Variants in FBXL20 observed in about 807,000 individuals in gnomAD.
FBXL20 encodes the protein F-box/LRR-repeat protein 20.
FBXL20 carries 11 observed loss-of-function variants against 64.0 expected under a neutral mutation model. The observed-to-expected ratio is 0.17, with a 90% confidence interval of 0.11 to 0.28. The LOEUF (loss-of-function observed/expected upper bound fraction) is 0.28. Among genes scored for constraint, FBXL20 ranks in the 10% least tolerant of loss-of-function variants. FBXL20 has a pLI of 1.00. For synonymous variants in FBXL20, 184 were observed against 189.0 expected (o/e 0.97, Z 0.22); for missense variants, 303 against 526.2 (o/e 0.58, Z 4.15).
chr17:39,401,913 G>A, upstream of FBXL20: 1 of 410,524 alleles, frequency 2.4e-6, no homozygotes, highest in Non-Finnish European at 4.1e-6. Flanking sequence ...GTGTGGAAAA[G>A]GGGGTCTGTG....
intron 1 of FBXL20, among the ~76,000 whole-genome samples, chr17:39,357,955 T>C (rs1265088425): frequency 2.0e-5 from 3 of 152,170 alleles, no homozygotes; most frequent in Non-Finnish European, 4.4e-5. Flanking sequence ...GTTCAGGTTT[T>C]CCAGAGAAAC....
chr17:39,370,422 G>A lies in FBXL20; in HGVS notation c.43-27181C>T, dbSNP rs866740585. Among the ~76,000 whole-genome samples the A allele has an allele frequency of 3.3e-5, 5 of 151,662 alleles. No individual in the cohort carries two copies. The South Asian group carries it at 6.2e-4, about 19-fold the overall frequency. On this transcript the variant is annotated intron_variant, in intron 1 of 14. Transcript: ENST00000264658. ...GAAGCATCGCTTGAACCCGGGAGGCGGAGTTTGCAGTGAGCCAAGATCAAG... is the reference window on the plus strand; with the variant it reads ...GAAGCATCGCTTGAACCCGGGAGGCAGAGTTTGCAGTGAGCCAAGATCAAG...
intron 2 of FBXL20, among the ~76,000 whole-genome samples, chr17:39,317,567 C>T (rs2047305410): frequency 6.7e-6 from 1 of 149,982 alleles, no homozygotes; most frequent in Non-Finnish European, 1.5e-5. Context: ...TACTGAATTC[C>T]AAATAATATG....
At chr17:39,348,427 T>C (rs573581672) in intron 1 of FBXL20, among the ~76,000 whole-genome samples, 1 of 151,348 alleles carries the variant, frequency 6.6e-6, no homozygotes, top group Admixed American at 6.6e-5. Context: ...GCTACTGCAG[T>C]CCAGCCTGGC....
At chr17:39,315,393 T>TTTTATATA (rs147050998) in intron 2 of FBXL20, among the ~76,000 whole-genome samples, 63 of 134,554 alleles carry the variant, frequency 4.7e-4, no homozygotes, top group African/African-American at 1.6e-3. Flanking sequence ...TTTAAATAAT[T>TTTTATATA]TATATATATA....
chr17:39,341,443 T>C (rs1465929128), intron 2 of FBXL20, among the ~76,000 whole-genome samples: 2 of 152,194 alleles, frequency 1.3e-5, no homozygotes, highest in South Asian at 2.1e-4. Flanking sequence ...CAGTCACATA[T>C]CTTCTTTCAG....
At chr17:39,351,792 T>C (rs1392716046) in intron 1 of FBXL20, among the ~76,000 whole-genome samples, 7 of 152,182 alleles carry the variant, frequency 4.6e-5, no homozygotes, top group African/African-American at 9.6e-5. Context: ...CAAAGGACAA[T>C]ATCACCTAAA....
chr17:39,301,112 T>A, intron 3 of FBXL20, 37 bp from the exon 4 acceptor site: 1 of 1,582,900 alleles, frequency 6.3e-7, no homozygotes, highest in Non-Finnish European at 8.7e-7. Flanking sequence ...GAGCAGAAGC[T>A]AAAATTAAGG....
chr17:39,337,113 G>GT (rs747110628), intron 2 of FBXL20, among the ~76,000 whole-genome samples: 7 of 152,052 alleles, frequency 4.6e-5, no homozygotes, highest in Non-Finnish European at 1.0e-4. Context: ...AGCCTGCCGA[G>GT]TGCCTGGGAT....
At chr17:39,380,457 T>C (rs752773848) in intron 1 of FBXL20, among the ~76,000 whole-genome samples, 19 of 152,330 alleles carry the variant, frequency 1.2e-4, no homozygotes, top group Non-Finnish European at 2.4e-4. Context: ...ACTTTTGTTT[T>C]TGCACTTACT....
At chr17:39,375,685 A>G (rs1419956709) in intron 1 of FBXL20, among the ~76,000 whole-genome samples, 2 of 152,146 alleles carry the variant, frequency 1.3e-5, no homozygotes, top group Admixed American at 6.6e-5. Context: ...GAAAAATCAA[A>G]TTTTTTTACT....
intron 4 of FBXL20, among the ~76,000 whole-genome samples, chr17:39,300,242 T>G (rs1007067308): frequency 5.3e-5 from 8 of 152,204 alleles, no homozygotes; most frequent in Non-Finnish European, 1.2e-4. Context: ...TTTGGTTGGT[T>G]TTGAACTCCT....
intron 1 of FBXL20, among the ~76,000 whole-genome samples, chr17:39,385,513 T>C (rs2048069676): frequency 6.6e-6 from 1 of 152,236 alleles, no homozygotes; most frequent in Non-Finnish European, 1.5e-5. Context: ...GGCCTATTCC[T>C]ATAACTGTCT....
At chr17:39,385,794 G>C (rs183664292) in intron 1 of FBXL20, among the ~76,000 whole-genome samples, 2 of 152,260 alleles carry the variant, frequency 1.3e-5, no homozygotes, top group Admixed American at 1.3e-4. Flanking sequence ...CACTTTGGGA[G>C]GCCGAGGTGG....
chr17:39,382,894 C>T (rs1440558053), intron 1 of FBXL20, among the ~76,000 whole-genome samples: 3 of 151,810 alleles, frequency 2.0e-5, no homozygotes, highest in African/African-American at 7.3e-5. Flanking sequence ...CGGTGGCTCA[C>T]GCCTGTAGTC....
intron 1 of FBXL20, among the ~76,000 whole-genome samples, chr17:39,390,422 G>A (rs1277353249): frequency 6.6e-6 from 1 of 152,048 alleles, no homozygotes; most frequent in Non-Finnish European, 1.5e-5. Flanking sequence ...TTAGCCAGGC[G>A]TGGTGGTTGG....
chr17:39,264,709 A>T (rs187333253), intron 13 of FBXL20, among the ~76,000 whole-genome samples: 69 of 152,336 alleles, frequency 4.5e-4, no homozygotes, highest in African/African-American at 1.6e-3. Flanking sequence ...TACAGGGATA[A>T]ATGGGAATCA....
upstream of FBXL20, chr17:39,401,764 C>T (rs2048248555): frequency 3.8e-6 from 4 of 1,041,464 alleles, no homozygotes; most frequent in Middle Eastern, 4.2e-4. Context: ...GGCGGCGGCG[C>T]GAGACCACCC....
At chr17:39,270,676 C>G in intron 11 of FBXL20, 120 bp downstream of exon 11, 1 of 773,300 alleles carries the variant, frequency 1.3e-6, no homozygotes, top group Middle Eastern at 2.4e-4. Flanking sequence ...CATGAAACCC[C>G]GTCTCACTCA....
Sources: allele counts gnomAD v4.1 joint callset (sites outside exome capture counted in the v4.1 genomes callset), GRCh38; gene constraint gnomAD v4.1.1; transcripts MANE v1.5; gene names NCBI Gene and HGNC (gene_info 2026-07-23, HGNC 2026-07-21).